OCA2: variants seen among roughly 807,000 people sequenced by gnomAD.
OCA2 encodes the protein OCA2 melanosomal transmembrane protein.
Under a neutral mutation model 100.2 loss-of-function variants are expected in OCA2, and 77 were observed. The observed-to-expected ratio is 0.77, with a 90% CI of 0.64 to 0.93. The LOEUF is 0.93. OCA2 is among the 40% of genes least tolerant of loss of function. OCA2 has a pLI of 0.00. For synonymous variants in OCA2, 432 were observed against 439.2 expected (o/e 0.98, Z 0.21); for missense variants, 1,062 against 1,089.1 (o/e 0.98, Z 0.35).
At chr15:27,966,938 G>C in intron 14 of OCA2, 116 bp from the exon 15 acceptor site, 1 of 1,158,626 alleles carries the variant, frequency 8.6e-7, no homozygotes, top group Non-Finnish European at 1.3e-6. Flanking sequence ...GACCATCCTG[G>C]CTAACACAGT....
chr15:28,013,535 G>C (rs952949332), intron 9 of OCA2, among the ~76,000 whole-genome samples: 1 of 152,148 alleles, frequency 6.6e-6, no homozygotes, highest in Non-Finnish European at 1.5e-5. Flanking sequence ...AGGGATCTTG[G>C]TAAGCTGAGG....
chr15:28,024,265 C>CA (rs1043352025), intron 5 of OCA2, among the ~76,000 whole-genome samples: 26 of 152,194 alleles, frequency 1.7e-4, no homozygotes, highest in African/African-American at 6.0e-4. Flanking sequence ...CCCTCGTTCC[C>CA]ACACTCTGTT....
intron 15 of OCA2, among the ~76,000 whole-genome samples, chr15:27,964,720 C>T (rs1205332104): frequency 6.6e-6 from 1 of 152,188 alleles, no homozygotes; most frequent in African/African-American, 2.4e-5. Context: ...CCACCACAGG[C>T]CTGCTAAACT....
chr15:28,045,625 G>C (rs2043325305), intron 2 of OCA2, among the ~76,000 whole-genome samples: 2 of 152,126 alleles, frequency 1.3e-5, no homozygotes, highest in South Asian at 4.1e-4. Flanking sequence ...ACACTCACCA[G>C]TACCACATTT....
chr15:28,098,742 G>A (rs369563192), intron 1 of OCA2, among the ~76,000 whole-genome samples: 1 of 152,248 alleles, frequency 6.6e-6, no homozygotes, highest in Admixed American at 6.5e-5. Context: ...AAAAGAGCTA[G>A]CTGCACTAAT....
chr15:27,815,097 G>A (rs2034245332), intron 23 of OCA2, among the ~76,000 whole-genome samples: 1 of 152,116 alleles, frequency 6.6e-6, no homozygotes, highest in Non-Finnish European at 1.5e-5. Context: ...GAAAACTAAA[G>A]GCCAACCATC....
chr15:27,928,634 C>T (rs1296738176), intron 18 of OCA2, among the ~76,000 whole-genome samples: 1 of 152,272 alleles, frequency 6.6e-6, no homozygotes, highest in East Asian at 1.9e-4. Context: ...ACTGAGGCCC[C>T]TGTTTCCTTA....
intron 23 of OCA2, among the ~76,000 whole-genome samples, chr15:27,784,818 G>A (rs974296777): frequency 1.3e-5 from 2 of 151,958 alleles, no homozygotes; most frequent in Non-Finnish European, 2.9e-5. Flanking sequence ...AACCAGCAGA[G>A]CTTTCATGAA....
chr15:28,038,609 T>C (rs1354762122), intron 2 of OCA2, among the ~76,000 whole-genome samples: 2 of 152,132 alleles, frequency 1.3e-5, no homozygotes, highest in African/African-American at 4.8e-5. Flanking sequence ...GAAGTTTGAA[T>C]GAGACTCTTT....
At chr15:27,903,185 G>A (rs1257386222) in intron 19 of OCA2, among the ~76,000 whole-genome samples, 2 of 152,230 alleles carry the variant, frequency 1.3e-5, no homozygotes, top group Non-Finnish European at 2.9e-5. Context: ...CCTTTGTGTC[G>A]CCGGCGCCGT....
chr15:27,969,658 G>A (rs2040702309), intron 14 of OCA2, among the ~76,000 whole-genome samples: 1 of 152,042 alleles, frequency 6.6e-6, no homozygotes, highest in South Asian at 2.1e-4. Context: ...TCATTTGATG[G>A]ATTAAATGGC....
chr15:27,824,602 C>CTCTATATATA lies in OCA2; in HGVS notation c.2432+20356_2432+20357insTATATATAGA. 2.7e-4 allele frequency among the ~76,000 whole-genome samples: 13 copies of CTCTATATATA among 47,596 alleles called. 1 individual carries two copies. The highest frequency in any genetic ancestry group is 1.9e-3 in the African/African-American group (12 of 6,324). The allele number at this position is 47,596 out of a possible 152,430, so 31.2% of individuals were successfully genotyped here. On this transcript the variant is annotated intron_variant, in intron 23 of 23. Coordinates refer to ENST00000354638, the MANE Select transcript of OCA2 (RefSeq NM_000275.3). Reference sequence around the variant, plus strand: ...TTTCTCTCTCTCTCTCTCTCTCTCTCTATATATATATATATATATAATATA... The same window carrying CTCTATATATA: ...TTTCTCTCTCTCTCTCTCTCTCTCTCTCTATATATATATATATATATATATATATAATATA...
intron 23 of OCA2, among the ~76,000 whole-genome samples, chr15:27,835,008 T>C (rs950708858): frequency 6.6e-6 from 1 of 152,208 alleles, no homozygotes; most frequent in African/African-American, 2.4e-5. Context: ...AACTTGGGCC[T>C]TCCGGACGTA....
chr15:27,933,296 G>GA (rs964369942), intron 18 of OCA2, among the ~76,000 whole-genome samples: 3 of 112,918 alleles, frequency 2.7e-5, no homozygotes, highest in African/African-American at 6.6e-5. Context: ...CAGCAAAAGT[G>GA]AAAAAAAGCA....
At chr15:27,945,583 C>A (rs550796272) in intron 18 of OCA2, among the ~76,000 whole-genome samples, 26 of 152,258 alleles carry the variant, frequency 1.7e-4, no homozygotes, top group African/African-American at 5.8e-4. Context: ...TGTTATTATT[C>A]TAATAATCCT....
chr15:27,901,440 C>T lies in OCA2; in HGVS notation c.2079+24687G>A, dbSNP rs527416415. On this transcript the variant is annotated intron_variant, in intron 19 of 23. Transcript: ENST00000354638. ...TCTCCTGGCTCCTCTGGCCAGGCCACAGGTGATCACAGGCCACTAGAGCTC... is the reference window on the plus strand; with the variant it reads ...TCTCCTGGCTCCTCTGGCCAGGCCATAGGTGATCACAGGCCACTAGAGCTC... Among the ~76,000 whole-genome samples, 16 of 152,310 alleles carry T rather than the reference C, an allele frequency of 1.1e-4. No individual in the cohort carries two copies. In the South Asian group the frequency reaches 2.9e-3, roughly 28 times the overall value.
At chr15:27,762,755 G>T (rs953828093) in intron 23 of OCA2, among the ~76,000 whole-genome samples, 3 of 152,154 alleles carry the variant, frequency 2.0e-5, no homozygotes, top group Non-Finnish European at 4.4e-5. Context: ...CAACCTTTCT[G>T]GGCCTAAGTC....
chr15:27,771,781 A>T (rs1214077082), intron 23 of OCA2, among the ~76,000 whole-genome samples: 3 of 151,846 alleles, frequency 2.0e-5, no homozygotes, highest in Non-Finnish European at 4.4e-5. Flanking sequence ...AATTTTGTTA[A>T]TTTTTGCTTT....
rs183128837 is a variant in OCA2 at position 28,052,866 on chromosome 15, C to A, written c.228-20703G>T. 3.3e-5 allele frequency among the ~76,000 whole-genome samples: 5 copies of A among 152,230 alleles called. No homozygotes were observed. The East Asian group carries it at 9.7e-4, about 29-fold the overall frequency. ...GCTGTTCTAGGAAGGGGGTAATGGA[C>A]AGGTGAGTTGCTGGCCTATCGCCTT... On this transcript the variant is annotated intron_variant, in intron 2 of 23. Coordinates refer to ENST00000354638, the MANE Select transcript of OCA2 (RefSeq NM_000275.3).
Sources: allele counts gnomAD v4.1 joint callset (sites outside exome capture counted in the v4.1 genomes callset), GRCh38; gene constraint gnomAD v4.1.1; transcripts MANE v1.5; gene names NCBI Gene and HGNC (gene_info 2026-07-23, HGNC 2026-07-21).